Variants in WASF1 observed in about 807,000 individuals in gnomAD.
WASF1 encodes the protein WASP family member 1.
In WASF1, 7 loss-of-function variants were observed where a neutral mutation model predicts 50.5. The observed-to-expected ratio is 0.14, with a 90% confidence interval of 0.08 to 0.26. The LOEUF is 0.26. Ranked by LOEUF, WASF1 falls within the 10% of genes least tolerant of loss-of-function variation. The pLI, the probability that WASF1 is intolerant of heterozygous loss-of-function variation, is 1.00. For synonymous variants in WASF1, 205 were observed against 244.0 expected (o/e 0.84, Z 1.49); for missense variants, 470 against 694.7 (o/e 0.68, Z 3.64).
chr6:110,135,962 C>A (rs1227005949), intron 3 of WASF1, among the ~76,000 whole-genome samples: 1 of 144,314 alleles, frequency 6.9e-6, no homozygotes, highest in African/African-American at 2.6e-5. Flanking sequence ...CAACTCACTG[C>A]AAGCTCCGCC....
chr6:110,126,138 T>C (rs555377660), intron 4 of WASF1, among the ~76,000 whole-genome samples: 16 of 152,310 alleles, frequency 1.1e-4, no homozygotes, highest in Admixed American at 2.6e-4. Flanking sequence ...GTACATAACA[T>C]ATATAAAACA....
At chr6:110,115,117 AAAAAC>A (rs986663657) in intron 4 of WASF1, among the ~76,000 whole-genome samples, 2 of 151,906 alleles carry the variant, frequency 1.3e-5, no homozygotes, top group African/African-American at 4.8e-5. Flanking sequence ...AGAAAAAAAA[AAAAAC>A]AAAACAGAAA....
intron 3 of WASF1, among the ~76,000 whole-genome samples, chr6:110,150,804 G>A (rs1336443070): frequency 6.6e-6 from 1 of 152,190 alleles, no homozygotes; most frequent in Non-Finnish European, 1.5e-5. Flanking sequence ...GGGAGGCTGA[G>A]GCGGGCAGAT....
At chr6:110,115,297 T>C (rs1361612499) in intron 4 of WASF1, among the ~76,000 whole-genome samples, 1 of 151,936 alleles carries the variant, frequency 6.6e-6, no homozygotes, top group Non-Finnish European at 1.5e-5. Context: ...ACTAACTCTA[T>C]TGTTTTGTGC....
At chr6:110,137,859 T>C (rs1485334309) in intron 3 of WASF1, among the ~76,000 whole-genome samples, 1 of 152,234 alleles carries the variant, frequency 6.6e-6, no homozygotes, top group Non-Finnish European at 1.5e-5. Flanking sequence ...AGACTTCTAT[T>C]AAAAAGAAGT....
chr6:110,137,106 A>C (rs1053745424), intron 3 of WASF1, among the ~76,000 whole-genome samples: 73 of 152,330 alleles, frequency 4.8e-4, no homozygotes, highest in Non-Finnish European at 6.6e-4. Context: ...GTATCTGCTG[A>C]ATAACTCAAA....
intron 2 of WASF1, among the ~76,000 whole-genome samples, chr6:110,170,180 A>G (rs1165120104): frequency 6.6e-6 from 1 of 152,136 alleles, no homozygotes; most frequent in Non-Finnish European, 1.5e-5. Context: ...GAAACCATAC[A>G]AAGTGCTCAA....
chr6:110,162,571 T>C (rs1001825453), intron 2 of WASF1, among the ~76,000 whole-genome samples: 3 of 151,130 alleles, frequency 2.0e-5, no homozygotes, highest in African/African-American at 7.3e-5. Context: ...CAGGACCAAG[T>C]GAGATTCATC....
At chr6:110,179,233 G>A (rs548774500) in intron 1 of WASF1, among the ~76,000 whole-genome samples, 6 of 152,182 alleles carry the variant, frequency 3.9e-5, no homozygotes, top group African/African-American at 1.4e-4. Context: ...CGTCTCCCTC[G>A]GCACCCAGCC....
rs368845320 is a variant in WASF1, at chr6:110,178,336, A to C, written c.-127+262T>G. Among the ~76,000 whole-genome samples, 4 of 152,364 alleles carry C rather than the reference A, an allele frequency of 2.6e-5. No individual in the cohort carries two copies. In the South Asian group the frequency reaches 8.3e-4, roughly 32 times the overall value. On this transcript the variant is annotated intron_variant, in intron 2 of 10. Transcript: ENST00000392589. The stretch of plus-strand genomic sequence containing the variant: ...GAGCATAAAGGATAAACTGTTCCTG[A>C]GAGTTCAAATTGAGACTGCATTTCT...
At chr6:110,113,270 A>T (rs988670066) in intron 5 of WASF1, 56 bp downstream of exon 5, 394 of 1,380,944 alleles carry the variant, frequency 2.9e-4, no homozygotes, top group Middle Eastern at 2.3e-3. Context: ...TATATCATTC[A>T]TCTCATCTAA....
intron 6 of WASF1, 36 bp downstream of exon 6, chr6:110,108,492 A>AT (rs1773422633): frequency 6.4e-7 from 1 of 1,551,472 alleles, no homozygotes; most frequent in Non-Finnish European, 8.8e-7. Context: ...GAAGTCTGAG[A>AT]TAAATAATAG....
At chr6:110,164,482 G>A (rs1253348703) in intron 2 of WASF1, among the ~76,000 whole-genome samples, 1 of 151,670 alleles carries the variant, frequency 6.6e-6, no homozygotes, top group East Asian at 1.9e-4. Context: ...TGCATCATGT[G>A]TCAGTAGGGA....
intron 3 of WASF1, among the ~76,000 whole-genome samples, chr6:110,139,124 C>T (rs1775102704): frequency 6.6e-6 from 1 of 152,242 alleles, no homozygotes; most frequent in East Asian, 1.9e-4. Flanking sequence ...CTTGAGCACA[C>T]ACACACCTGG....
At chr6:110,127,763 G>C (rs1774480318) in intron 3 of WASF1, 134 bp from the exon 4 acceptor site, 1 of 790,086 alleles carries the variant, frequency 1.3e-6, no homozygotes, top group East Asian at 3.4e-5. Context: ...TCCACTTACT[G>C]GTGGATTTTC....
chr6:110,119,223 C>T (rs9689445), intron 4 of WASF1, among the ~76,000 whole-genome samples: 2,943 of 152,028 alleles, frequency 0.019, 96 homozygotes, highest in African/African-American at 0.068. Flanking sequence ...CACACAAAAA[C>T]CCTTCAAAAA....
At position 110,101,723 on chromosome 6, in the gene WASF1, G is replaced by A. The variant is rs1345714825; in HGVS notation, c.1387C>T (p.Pro463Ser). The A allele has an allele frequency of 1.2e-6, 2 of 1,614,010 alleles. No individual in the cohort carries two copies. Among genetic ancestry groups the A allele is most frequent in the African/African-American group, 2.7e-5 (2 of 74,904 alleles). Residue 463 changes from proline to serine, a missense_variant, in exon 10 of 11, where the codon CCA (proline) becomes TCA (serine). By Grantham distance (74) the Pro-to-Ser change is moderately conservative. Coordinates refer to ENST00000392589, the MANE Select transcript of WASF1 (RefSeq NM_003931.3). ...SGLHPTPSTA[P>S]GPHVPLMPPS... The stretch of plus-strand genomic sequence containing the variant: ...GGCATTAATGGAACATGGGGACCTG[G>A]GGCAGTAGATGGAGTTGGATGTAGC...
intron 6 of WASF1, 106 bp from the exon 7 acceptor site, chr6:110,107,300 C>A: frequency 1.4e-6 from 1 of 721,194 alleles, no homozygotes; most frequent in South Asian, 2.1e-5. Context: ...TAAAATACAG[C>A]ATGTTAAAAT....
At chr6:110,112,270 G>C (rs899831341) in intron 5 of WASF1, among the ~76,000 whole-genome samples, 17 of 151,980 alleles carry the variant, frequency 1.1e-4, no homozygotes, top group African/African-American at 3.9e-4. Flanking sequence ...ATATTTTGAA[G>C]AGAGTGTAAG....
Sources: allele counts gnomAD v4.1 joint callset (sites outside exome capture counted in the v4.1 genomes callset), GRCh38; gene constraint gnomAD v4.1.1; transcripts MANE v1.5; gene names NCBI Gene and HGNC (gene_info 2026-07-23, HGNC 2026-07-21).